Variants in AHNAK observed in about 807,000 individuals in gnomAD.
The protein encoded by AHNAK is AHNAK nucleoprotein.
In AHNAK, 23 loss-of-function variants were observed where a neutral mutation model predicts 37.8. That is an observed-to-expected ratio of 0.61 (90% confidence interval 0.44 to 0.86). AHNAK has a LOEUF of 0.86. Ranked by LOEUF, AHNAK falls within the 40% of genes least tolerant of loss-of-function variation. The probability of loss-of-function intolerance (pLI) is 0.00; values close to 1 mark genes in which losing one functional copy is unlikely to be tolerated. For synonymous variants in AHNAK, 2,481 were observed against 2,636.3 expected, an observed-to-expected ratio of 0.94 and a Z score of 1.80; for missense variants, 7,411 against 7,319.4, an observed-to-expected ratio of 1.01 and a Z score of -0.46.
rs1309975612 is a variant in AHNAK, at chr11:62,531,433, T to C, written c.2984A>G (p.Asn995Ser). ...PDVEMQGPDW[N>S]LKMPKIKMPK... is the part of the protein sequence containing the mutation. Reference sequence around the variant, plus strand: ...CATTTTAATCTTTGGCATCTTCAAGTTCCAGTCAGGACCCTGCATTTCAAC... The same window carrying C: ...CATTTTAATCTTTGGCATCTTCAAGCTCCAGTCAGGACCCTGCATTTCAAC... The change falls in exon 5 of 5, where the codon AAC (asparagine) becomes AGC (serine). Residue 995 changes from asparagine to serine, a missense_variant. By Grantham distance (46) the Asn-to-Ser change is conservative. Coordinates refer to ENST00000378024, the MANE Select transcript of AHNAK (RefSeq NM_001620.3). 3.7e-6 allele frequency: 6 copies of C among 1,614,106 alleles called. No individual in the cohort carries two copies. In the Admixed American group the frequency reaches 1.0e-4, roughly 27 times the overall value.
rs759833180 is a variant in AHNAK at position 62,533,918 on chromosome 11, G to A, written c.499C>T (p.Arg167Trp). ...VTAYTVDVTG[R>W]EGAKDIDISS... The stretch of plus-strand genomic sequence containing the variant: ...ATGTCTATGTCCTTGGCTCCTTCCC[G>A]GCCAGTCACATCCACAGTGTAGGCC... Residue 167 changes from arginine (R) to tryptophan (W), a missense_variant, in exon 5 of 5, where the codon CGG (arginine) becomes TGG (tryptophan). By Grantham distance (101) the Arg-to-Trp change is moderately radical. Transcript: ENST00000378024. The A allele has an allele frequency of 2.6e-5, 42 of 1,613,916 alleles. No homozygotes were observed. In the Admixed American group the frequency reaches 3.3e-4, roughly 13 times the overall value.
At chr11:62,481,929 C>T (rs1939285133) in intron 5 of AHNAK, among the ~76,000 whole-genome samples, 1 of 152,064 alleles carries the variant, frequency 6.6e-6, no homozygotes, top group East Asian at 1.9e-4. Context: ...CTTTTACGAT[C>T]CATCTCCGCC....
chr11:62,528,169 T>G lies in AHNAK; in HGVS notation c.6248A>C (p.Lys2083Thr). Residue 2083 changes from lysine to threonine, a missense_variant, in exon 5 of 5, where the codon AAG becomes ACG. Transcript: ENST00000378024. Reference sequence around the variant, plus strand: ...CACATCTGGGACTTCAACATCCACCTTGGGTCCTGAGACAACAACATCAGC... The same window carrying G: ...CACATCTGGGACTTCAACATCCACCGTGGGTCCTGAGACAACAACATCAGC... ...PKADVVVSGP[K>T]VDVEVPDVSL... The G allele has an allele frequency of 3.1e-6, 5 of 1,613,782 alleles. No homozygotes were observed. The highest frequency in any genetic ancestry group is 1.7e-6 in the Non-Finnish European group (2 of 1,179,960).
In AHNAK at chr11:62,532,919, T is replaced by C; in HGVS notation, c.1498A>G (p.Ile500Val). The change falls in exon 5 of 5, where the codon ATC becomes GTC. Residue 500 changes from isoleucine to valine, a missense_variant. Physicochemically the swap from Ile to Val is conservative, Grantham distance 29 (BLOSUM62 3). Coordinates refer to ENST00000378024, the MANE Select transcript of AHNAK (RefSeq NM_001620.3). ...CTCAGATCCACATCCTGCATGGAGA[T>C]TTTAGGTTTCTGAATAATCATTTCA... The part of the protein sequence containing the change: ...TPEMIIQKPK[I>V]SMQDVDLSLG... 1.9e-6 allele frequency: 3 copies of C among 1,614,036 alleles called. No homozygotes were observed. The highest frequency in any genetic ancestry group is 2.5e-6 in the Non-Finnish European group (3 of 1,179,988).
At position 62,532,071 on chromosome 11, in the gene AHNAK, C is replaced by T. The variant is rs1202124878; in HGVS notation, c.2346G>A (p.Gly782=). The change falls in exon 5 of 5, where the codon GGG becomes GGA. Residue 782 remains glycine, a synonymous_variant. Transcript: ENST00000378024. ...NLPKADVDIS[G]PKIDVTAPDV... Reference sequence around the variant, plus strand: ...CAGGAGCAGTAACATCTATCTTGGGCCCGGAAATGTCCACATCAGCCTTGG... The same window carrying T: ...CAGGAGCAGTAACATCTATCTTGGGTCCGGAAATGTCCACATCAGCCTTGG... 3.1e-6 allele frequency: 5 copies of T among 1,607,042 alleles called. No individual in the cohort carries two copies. The highest frequency in any genetic ancestry group is 4.2e-6 in the Non-Finnish European group (5 of 1,177,790).
intron 4 of AHNAK, among the ~76,000 whole-genome samples, chr11:62,509,474 C>T (rs1040068469): frequency 1.3e-5 from 2 of 151,338 alleles, no homozygotes; most frequent in African/African-American, 2.4e-5. Flanking sequence ...CACTTGAACT[C>T]GGGAGGCAGA....
At chr11:62,489,041 C>T (rs1300667164) in intron 5 of AHNAK, among the ~76,000 whole-genome samples, 3 of 152,020 alleles carry the variant, frequency 2.0e-5, no homozygotes. Context: ...GAGTTCAAGA[C>T]CAGCCTGGCC....
At position 62,526,145 on chromosome 11, in the gene AHNAK, G is replaced by A; in HGVS notation, c.8272C>T (p.His2758Tyr). 2.5e-6 allele frequency: 4 copies of A among 1,613,710 alleles called. No individual in the cohort carries two copies. In the Middle Eastern group the frequency reaches 6.6e-4, roughly 266 times the overall value. The change falls in exon 5 of 5, where the codon CAT (histidine) becomes TAT (tyrosine). Residue 2758 changes from histidine to tyrosine, a missense_variant. Coordinates refer to ENST00000378024, the MANE Select transcript of AHNAK (RefSeq NM_001620.3). ...VDIDAPDVDV[H>Y]GPDWHLKMPK... is the part of the protein sequence containing the mutation. ...ATCTTTAGGTGCCAGTCTGGGCCAT[G>A]AACATCAACATCAGGTGCGTCAATG... is the stretch of plus-strand genomic sequence containing the variant.
intron 5 of AHNAK, among the ~76,000 whole-genome samples, chr11:62,452,900 C>G (rs1364831915): frequency 6.6e-6 from 1 of 152,100 alleles, no homozygotes; most frequent in Non-Finnish European, 1.5e-5. Flanking sequence ...TGGCACGCAC[C>G]TGTAGTCCCA....
chr11:62,538,878 A>G (rs1239158005), intron 1 of AHNAK, among the ~76,000 whole-genome samples: 2 of 152,186 alleles, frequency 1.3e-5, no homozygotes, highest in Non-Finnish European at 2.9e-5. Context: ...TCTGAGGATG[A>G]GACTATGTCT....
At chr11:62,479,678 G>A (rs1043725441) in intron 5 of AHNAK, among the ~76,000 whole-genome samples, 1 of 152,032 alleles carries the variant, frequency 6.6e-6, no homozygotes, top group Non-Finnish European at 1.5e-5. Flanking sequence ...CCCCATACAA[G>A]CAGCAGGTCT....
chr11:62,540,818 A>G (rs1288563130), intron 1 of AHNAK, among the ~76,000 whole-genome samples: 2 of 152,222 alleles, frequency 1.3e-5, no homozygotes, highest in Non-Finnish European at 2.9e-5. Context: ...ACTGTAATTC[A>G]GGCCAGAAGC....
intron 1 of AHNAK, among the ~76,000 whole-genome samples, chr11:62,546,315 T>C (rs1345545495): frequency 6.6e-6 from 1 of 152,080 alleles, no homozygotes; most frequent in Non-Finnish European, 1.5e-5. Flanking sequence ...CACCGCCCCA[T>C]GCAGGGAGAG....
intron 5 of AHNAK, among the ~76,000 whole-genome samples, chr11:62,450,950 A>G (rs1215416302): frequency 6.6e-6 from 1 of 152,228 alleles, no homozygotes; most frequent in Non-Finnish European, 1.5e-5. Flanking sequence ...TCACGCCTGT[A>G]ATCGCGGCAC....
intron 5 of AHNAK, among the ~76,000 whole-genome samples, chr11:62,436,920 C>T (rs1938184298): frequency 6.9e-6 from 1 of 144,294 alleles, no homozygotes; most frequent in African/African-American, 2.6e-5. Context: ...GCCTGGGTGA[C>T]TGAGCAAGAC....
At position 62,521,405 on chromosome 11, in the gene AHNAK, C is replaced by A. The variant is rs750251436; in HGVS notation, c.13012G>T (p.Val4338Phe). ...GFKGEGPDVD[V>F]TLPKADIEIS... ...TCAATGTCAGCCTTAGGAAGGGTAA[C>A]ATCCACATCTGGGCCCTCTCCTTTG... Residue 4338 changes from valine (V) to phenylalanine (F), a missense_variant, in exon 5 of 5, where the codon GTT (valine) becomes TTT (phenylalanine). By Grantham distance (50) the Val-to-Phe change is conservative. Coordinates refer to ENST00000378024, the MANE Select transcript of AHNAK (RefSeq NM_001620.3). 1.9e-6 allele frequency: 3 copies of A among 1,614,058 alleles called. No homozygotes were observed. Among genetic ancestry groups the A allele is most frequent in the Non-Finnish European group, 2.5e-6 (3 of 1,180,038 alleles).
At chr11:62,442,378 T>C in intron 5 of AHNAK, among the ~76,000 whole-genome samples, 1 of 151,890 alleles carries the variant, frequency 6.6e-6, no homozygotes, top group South Asian at 2.1e-4. Flanking sequence ...CAAAATCCTA[T>C]CTCTATGAAA....
At position 62,533,194 on chromosome 11, in the gene AHNAK, A is replaced by G; in HGVS notation, c.1223T>C (p.Ile408Thr). The change falls in exon 5 of 5, where the codon ATC becomes ACC. Residue 408 changes from isoleucine (I) to threonine (T), a missense_variant. By Grantham distance (89) the Ile-to-Thr change is moderately conservative. Transcript: ENST00000378024. ...DASAPQIGGS[I>T]TGPSVEVQAP... ...CTGAACTTCCACACTGGGGCCAGTG[A>G]TGCTACCCCCAATTTGGGGAGCAGA... The G allele has an allele frequency of 6.5e-7, 1 of 1,528,694 alleles. No individual in the cohort carries two copies. The highest frequency in any genetic ancestry group is 1.4e-5 in the African/African-American group (1 of 71,876). The allele number at this position is 1,528,694 out of a possible 1,614,324, so 94.7% of individuals were successfully genotyped here.
At chr11:62,498,814 G>C (rs1248388050) in intron 4 of AHNAK, among the ~76,000 whole-genome samples, 1 of 151,906 alleles carries the variant, frequency 6.6e-6, no homozygotes, top group African/African-American at 2.4e-5. Context: ...AAAATAAATA[G>C]ATCTTTGGAA....
Sources: allele counts gnomAD v4.1 joint callset (sites outside exome capture counted in the v4.1 genomes callset), GRCh38; gene constraint gnomAD v4.1.1; transcripts MANE v1.5; gene names NCBI Gene and HGNC (gene_info 2026-07-23, HGNC 2026-07-21).